IPCEF1: variants seen among roughly 807,000 people sequenced by gnomAD.
IPCEF1 encodes the protein interaction protein for cytohesin exchange factors 1.
IPCEF1 carries 31 observed loss-of-function variants against 50.9 expected under a neutral mutation model. That is an observed-to-expected ratio of 0.61 (90% CI 0.46 to 0.82). The LOEUF (loss-of-function observed/expected upper bound fraction) is 0.82, where lower values mean the gene tolerates loss of function less well. Ranked by LOEUF, IPCEF1 falls within the 40% of genes least tolerant of loss-of-function variation. IPCEF1 has a pLI of 0.00. For missense variants in IPCEF1, 458 were observed against 514.0 expected (o/e 0.89, Z 1.05); for synonymous variants, 181 against 192.0 (o/e 0.94, Z 0.47).
intron 10 of IPCEF1, among the ~76,000 whole-genome samples, chr6:154,170,104 C>T (rs1011801015): frequency 6.6e-6 from 1 of 152,186 alleles, no homozygotes; most frequent in Non-Finnish European, 1.5e-5. Flanking sequence ...TCAAATGATA[C>T]AGAGGTTACT....
chr6:154,282,556 G>A (rs563496380), intron 2 of IPCEF1, among the ~76,000 whole-genome samples: 17 of 151,600 alleles, frequency 1.1e-4, no homozygotes, highest in South Asian at 1.0e-3. Flanking sequence ...GCACGGTGGC[G>A]GGCACCTGTA....
At chr6:154,244,930 G>A (rs1017104046) in intron 5 of IPCEF1, among the ~76,000 whole-genome samples, 8 of 152,142 alleles carry the variant, frequency 5.3e-5, no homozygotes, top group African/African-American at 1.9e-4. Context: ...AGGTAAATCA[G>A]TAGGTTCTCT....
intron 10 of IPCEF1, among the ~76,000 whole-genome samples, chr6:154,191,846 A>G (rs906732996): frequency 1.3e-5 from 2 of 152,226 alleles, no homozygotes; most frequent in Admixed American, 1.3e-4. Flanking sequence ...TGGAGGGGGT[A>G]TATGTAAACT....
chr6:154,205,193 T>G (rs1356682097), intron 9 of IPCEF1, among the ~76,000 whole-genome samples: 1 of 152,228 alleles, frequency 6.6e-6, no homozygotes, highest in African/African-American at 2.4e-5. Context: ...GTTTGAATTA[T>G]TACTGCATTG....
chr6:154,223,767 G>A (rs1015458307), intron 5 of IPCEF1, among the ~76,000 whole-genome samples: 3 of 152,310 alleles, frequency 2.0e-5, no homozygotes, highest in African/African-American at 7.2e-5. Flanking sequence ...AAACTGCTAA[G>A]AGTCACTCAA....
At chr6:154,259,447 G>A (rs1340025854) in intron 3 of IPCEF1, among the ~76,000 whole-genome samples, 1 of 152,138 alleles carries the variant, frequency 6.6e-6, no homozygotes, top group Non-Finnish European at 1.5e-5. Flanking sequence ...GAGGTCAGGA[G>A]TTCAAGACCA....
At chr6:154,218,465 T>G (rs1400531874) in intron 7 of IPCEF1, among the ~76,000 whole-genome samples, 1 of 152,200 alleles carries the variant, frequency 6.6e-6, no homozygotes, top group Non-Finnish European at 1.5e-5. Flanking sequence ...AGAAATGCAG[T>G]TGCCCAGGGA....
At chr6:154,354,415 A>ACCTCCACCACCACCTCCCCCATCT (rs1784170386) in intron 1 of IPCEF1, among the ~76,000 whole-genome samples, 1 of 46,722 alleles carries the variant, frequency 2.1e-5, no homozygotes, top group Non-Finnish European at 4.0e-5. Flanking sequence ...CTCCACCACC[A>ACCTCCACCACCACCTCCCCCATCT]CCTCCACCAC....
chr6:154,276,221 G>A (rs890996771), intron 2 of IPCEF1, among the ~76,000 whole-genome samples: 2 of 146,054 alleles, frequency 1.4e-5, no homozygotes, highest in Non-Finnish European at 3.0e-5. Context: ...GAGAGAGAGA[G>A]AAAAGGAAAG....
chr6:154,309,771 T>G (rs1054954935), intron 1 of IPCEF1, among the ~76,000 whole-genome samples: 1 of 151,370 alleles, frequency 6.6e-6, no homozygotes, highest in Non-Finnish European at 1.5e-5. Flanking sequence ...TTTTCTTGTT[T>G]TTTTTTTTTT....
At chr6:154,188,500 G>C (rs1001421542) in intron 10 of IPCEF1, among the ~76,000 whole-genome samples, 3 of 152,226 alleles carry the variant, frequency 2.0e-5, no homozygotes, top group African/African-American at 7.2e-5. Flanking sequence ...GCACGCATGT[G>C]CATGTGTGTG....
chr6:154,253,193 T>TG (rs1348645070), intron 3 of IPCEF1, among the ~76,000 whole-genome samples: 1 of 152,110 alleles, frequency 6.6e-6, no homozygotes, highest in Non-Finnish European at 1.5e-5. Context: ...CCTTGCTTTT[T>TG]TTGTTGTTGT....
chr6:154,348,345 T>A (rs1245364009), intron 1 of IPCEF1, among the ~76,000 whole-genome samples: 1 of 152,178 alleles, frequency 6.6e-6, no homozygotes, highest in Non-Finnish European at 1.5e-5. Context: ...CAGCTCTAGC[T>A]GGAAAACTGT....
At chr6:154,299,091 T>C (rs2128673724) in intron 1 of IPCEF1, among the ~76,000 whole-genome samples, 1 of 142,066 alleles carries the variant, frequency 7.0e-6, no homozygotes, top group South Asian at 2.2e-4. Context: ...AATACTGCTA[T>C]TTCTTTCACA....
chr6:154,255,509 ACTTAT>A (rs1289275796), intron 3 of IPCEF1, among the ~76,000 whole-genome samples: 1 of 152,100 alleles, frequency 6.6e-6, no homozygotes, highest in Non-Finnish European at 1.5e-5. Flanking sequence ...CTAGTTATGG[ACTTAT>A]CTTTATTTAT....
intron 3 of IPCEF1, among the ~76,000 whole-genome samples, chr6:154,256,646 T>C (rs1488216032): frequency 6.6e-6 from 1 of 152,042 alleles, no homozygotes. Context: ...TGCTTATGGC[T>C]CTCTCTTTTG....
chr6:154,312,375 C>G (rs1379069334), intron 1 of IPCEF1, among the ~76,000 whole-genome samples: 1 of 152,008 alleles, frequency 6.6e-6, no homozygotes, highest in African/African-American at 2.4e-5. Flanking sequence ...GAGACAAAGT[C>G]TTGCTCTGTC....
intron 10 of IPCEF1, among the ~76,000 whole-genome samples, chr6:154,193,925 T>C (rs543011006): frequency 6.6e-6 from 1 of 151,812 alleles, no homozygotes; most frequent in African/African-American, 2.4e-5. Context: ...AGTAGCATAG[T>C]ATTAAAAGGG....
At chr6:154,256,074 A>T (rs1781453866) in intron 3 of IPCEF1, among the ~76,000 whole-genome samples, 1 of 152,078 alleles carries the variant, frequency 6.6e-6, no homozygotes, top group South Asian at 2.1e-4. Context: ...GTCAGTTTGG[A>T]CTGCTGTAAC....
Sources: allele counts gnomAD v4.1 joint callset (sites outside exome capture counted in the v4.1 genomes callset), GRCh38; gene constraint gnomAD v4.1.1; transcripts MANE v1.5; gene names NCBI Gene and HGNC (gene_info 2026-07-23, HGNC 2026-07-21).